The following TANC2 variants were observed in gnomAD, a reference collection of about 807,000 sequenced individuals.
TANC2 encodes protein TANC2.
A neutral mutation model predicts 210.5 loss-of-function variants in TANC2; 26 were observed. That is an observed-to-expected ratio of 0.12 (90% CI 0.09 to 0.17). The LOEUF (loss-of-function observed/expected upper bound fraction) is 0.17. Ranked by LOEUF, TANC2 falls within the 10% of genes least tolerant of loss-of-function variation. The pLI is 1.00. For synonymous variants in TANC2, 931 were observed against 967.1 expected (o/e 0.96, Z 0.69); for missense variants, 2,129 against 2,608.9 (o/e 0.82, Z 4.01).
intron 14 of TANC2, among the ~76,000 whole-genome samples, chr17:63,378,456 A>T (rs2047496600): frequency 6.6e-6 from 1 of 152,164 alleles, no homozygotes; most frequent in African/African-American, 2.4e-5. Flanking sequence ...CTATTACCTC[A>T]TATAACAAGT....
chr17:63,180,254 T>C (rs1052319310), intron 5 of TANC2, among the ~76,000 whole-genome samples: 2 of 152,236 alleles, frequency 1.3e-5, no homozygotes, highest in African/African-American at 2.4e-5. Flanking sequence ...TGTTGGAAGA[T>C]GTTGGAATAT....
chr17:63,000,083 A>T (rs964269125), intron 1 of TANC2, among the ~76,000 whole-genome samples: 1 of 152,148 alleles, frequency 6.6e-6, no homozygotes, highest in Non-Finnish European at 1.5e-5. Flanking sequence ...CTACTTGAGG[A>T]TGGAGGGGTG....
chr17:63,169,671 G>A (rs1256022418), intron 5 of TANC2, among the ~76,000 whole-genome samples: 3 of 152,024 alleles, frequency 2.0e-5, no homozygotes, highest in Non-Finnish European at 2.9e-5. Context: ...AAAATTAGTT[G>A]GGTGTGGTGG....
chr17:63,020,683 G>A (rs976068837), intron 2 of TANC2, among the ~76,000 whole-genome samples: 1 of 152,170 alleles, frequency 6.6e-6, no homozygotes, highest in African/African-American at 2.4e-5. Flanking sequence ...AATACAAGGT[G>A]TTGTTAGAAT....
intron 14 of TANC2, among the ~76,000 whole-genome samples, chr17:63,376,992 T>A (rs773692368): frequency 1.1e-4 from 16 of 152,136 alleles, no homozygotes; most frequent in Non-Finnish European, 2.2e-4. Context: ...TAATTTTTTG[T>A]ATTTTTACAA....
chr17:62,985,465 C>CT (rs35982166), intron 1 of TANC2, among the ~76,000 whole-genome samples: 2 of 152,074 alleles, frequency 1.3e-5, no homozygotes, highest in Admixed American at 1.3e-4. Flanking sequence ...ATATTTTCTA[C>CT]TTTTTTTCAC....
chr17:63,070,037 G>T (rs1407821042), intron 2 of TANC2, among the ~76,000 whole-genome samples: 2 of 152,128 alleles, frequency 1.3e-5, no homozygotes, highest in South Asian at 2.1e-4. Context: ...CTTGTTTACA[G>T]AAATTTTTAT....
At chr17:63,266,375 AT>A (rs1463840623) in intron 8 of TANC2, among the ~76,000 whole-genome samples, 1 of 152,118 alleles carries the variant, frequency 6.6e-6, no homozygotes. Flanking sequence ...TTTACTAACA[AT>A]TTTGTTATAT....
intron 2 of TANC2, among the ~76,000 whole-genome samples, chr17:63,072,149 T>C (rs971578342): frequency 2.0e-5 from 3 of 152,150 alleles, no homozygotes; most frequent in African/African-American, 7.2e-5. Context: ...TGAATATTAA[T>C]TCACAAGAGA....
At chr17:63,005,282 C>G (rs949301308) in intron 1 of TANC2, 1 of 151,554 alleles carries the variant, frequency 6.6e-6, no homozygotes, top group Non-Finnish European at 1.5e-5. Context: ...ACTGTCTGTT[C>G]TATTCTGTTG....
chr17:63,324,627 T>A (rs1336918178), intron 11 of TANC2, among the ~76,000 whole-genome samples: 1 of 152,186 alleles, frequency 6.6e-6, no homozygotes, highest in Non-Finnish European at 1.5e-5. Context: ...ATAGATGATG[T>A]TTTATAAAAT....
At chr17:63,075,545 A>G (rs1341644389) in intron 3 of TANC2, among the ~76,000 whole-genome samples, 1 of 150,834 alleles carries the variant, frequency 6.6e-6, no homozygotes, top group Non-Finnish European at 1.5e-5. Context: ...ATATTTTTTT[A>G]TATGGAATCT....
chr17:63,080,469 C>T (rs1339606674), intron 3 of TANC2, among the ~76,000 whole-genome samples: 1 of 152,162 alleles, frequency 6.6e-6, no homozygotes, highest in Non-Finnish European at 1.5e-5. Context: ...GTAATGATGT[C>T]CACGAAACCA....
chr17:62,978,010 G>T (rs2032107874), intron 1 of TANC2, among the ~76,000 whole-genome samples: 1 of 152,060 alleles, frequency 6.6e-6, no homozygotes, highest in Admixed American at 6.5e-5. Context: ...TATCACTTCA[G>T]TTCAGTAAAT....
chr17:63,231,039 T>A (rs1044265607), intron 7 of TANC2, among the ~76,000 whole-genome samples: 1 of 152,180 alleles, frequency 6.6e-6, no homozygotes, highest in African/African-American at 2.4e-5. Context: ...TGTCTTTTTT[T>A]AAATCTTTGT....
At chr17:63,205,372 A>AACC (rs1472135033) in intron 7 of TANC2, among the ~76,000 whole-genome samples, 3 of 131,810 alleles carry the variant, frequency 2.3e-5, no homozygotes, top group Non-Finnish European at 4.8e-5. Context: ...AAAAAAAAAA[A>AACC]CCTCATACAC....
intron 21 of TANC2, among the ~76,000 whole-genome samples, chr17:63,407,218 T>C (rs1485447619): frequency 1.3e-5 from 2 of 152,196 alleles, no homozygotes; most frequent in Non-Finnish European, 2.9e-5. Flanking sequence ...AGACTCAGAC[T>C]CAAGGCTGGG....
chr17:63,420,326 G>T lies in TANC2; in HGVS notation c.4596G>T (p.Pro1532=). ...TCCAGAGCCCACCCTCCTCTCCCCC[G>T]CATCGGGACTCAGCCTACATCTCCA... The change falls in exon 28 of 28, where the codon CCG becomes CCT. Residue 1532 remains proline, a synonymous_variant. Coordinates refer to ENST00000689528, the Ensembl canonical transcript of TANC2. This position sits in a 1 kb window ranked among gnomAD's most constrained non-coding sequence, Gnocchi z 4.2. 4.3e-6 allele frequency: 7 copies of T among 1,613,792 alleles called. No homozygotes were observed. Among genetic ancestry groups the T allele is most frequent in the Non-Finnish European group, 5.1e-6 (6 of 1,179,840 alleles).
intron 14 of TANC2, among the ~76,000 whole-genome samples, chr17:63,359,614 C>G (rs2046897592): frequency 1.3e-5 from 2 of 152,250 alleles, no homozygotes; most frequent in Admixed American, 1.3e-4. Context: ...TCCCAAAGTG[C>G]TAGGATTACA....
Sources: allele counts gnomAD v4.1 joint callset (sites outside exome capture counted in the v4.1 genomes callset), GRCh38; gene constraint gnomAD v4.1.1; non-coding constraint Gnocchi (gnomAD v3.1); transcripts MANE v1.5; gene names NCBI Gene and HGNC (gene_info 2026-07-23, HGNC 2026-07-21).